VAC14: variants seen among roughly 807,000 people sequenced by gnomAD.
The protein encoded by VAC14 is protein VAC14 homolog.
In VAC14, 47 loss-of-function variants were observed where a neutral mutation model predicts 85.3. That is an observed-to-expected ratio of 0.55 (90% CI 0.44 to 0.70). The LOEUF is 0.70. Ranked by LOEUF, VAC14 falls within the 30% of genes least tolerant of loss-of-function variation. The pLI, the probability that VAC14 is intolerant of heterozygous loss-of-function variation, is 0.00. For synonymous variants in VAC14, 447 were observed against 430.5 expected (o/e 1.04, Z -0.47); for missense variants, 861 against 1,004.3 (o/e 0.86, Z 1.93).
chr16:70,800,698 C>A, intron 1 of VAC14, 99 bp downstream of exon 1: 1 of 1,087,306 alleles, frequency 9.2e-7, no homozygotes, highest in Non-Finnish European at 1.3e-6. Context: ...GGCCTAAAAC[C>A]TGGGAAAGTA....
intron 14 of VAC14, chr16:70,715,280 T>A (rs2054139751): frequency 6.6e-6 from 1 of 152,358 alleles, no homozygotes; most frequent in Non-Finnish European, 1.5e-5. Context: ...TTTCAGAAGC[T>A]TTCCCAGACT....
intron 14 of VAC14, among the ~76,000 whole-genome samples, chr16:70,720,775 T>C (rs1187082254): frequency 6.6e-6 from 1 of 152,240 alleles, no homozygotes; most frequent in Non-Finnish European, 1.5e-5. Flanking sequence ...TGGCCCCATG[T>C]TGGGGCTATC....
At position 70,687,524 on chromosome 16, in the gene VAC14, TACACACAC is replaced by T. The variant is rs3833084; in HGVS notation, c.*396_*403del. On this transcript the variant is annotated 3_prime_UTR_variant, in exon 19 of 19. Transcript: ENST00000261776. Reference sequence around the variant, plus strand: ...GTGCTGGTGCCTACGTGCATACAAGTACACACACACACACACACACACAGGCATGTGTT... The same window carrying T: ...GTGCTGGTGCCTACGTGCATACAAGTACACACACACACACAGGCATGTGTT... The T allele has an allele frequency of 0.023, 3,524 of 154,264 alleles. 143 individuals are homozygous for T. The highest frequency in any genetic ancestry group is 0.08 in the African/African-American group (3,251 of 40,592). 9.6% of individuals were successfully genotyped at this position (154,264 alleles called of 1,614,324 possible).
intron 18 of VAC14, chr16:70,691,177 A>G (rs1313252432): frequency 4.2e-5 from 41 of 985,412 alleles, no homozygotes; most frequent in Non-Finnish European, 4.7e-5. Context: ...CCCTGGTTTG[A>G]GGAGTCTGAC....
intron 18 of VAC14, chr16:70,690,247 C>G: frequency 1.0e-6 from 1 of 985,402 alleles, no homozygotes; most frequent in Non-Finnish European, 1.2e-6. Flanking sequence ...GGGAGCAGGG[C>G]GGGCTGTGTC....
At chr16:70,688,377 T>C in intron 18 of VAC14, 1 of 1,086,762 alleles carries the variant, frequency 9.2e-7, no homozygotes. Flanking sequence ...TTGGGAAGCA[T>C]TTCCTGTTTA....
intron 13 of VAC14, among the ~76,000 whole-genome samples, chr16:70,739,740 G>A (rs930507956): frequency 2.0e-5 from 3 of 152,224 alleles, no homozygotes; most frequent in Admixed American, 6.5e-5. Flanking sequence ...CATGATGATT[G>A]TTGCCGTGAT....
chr16:70,722,375 G>T (rs929207889), intron 14 of VAC14, among the ~76,000 whole-genome samples: 1 of 152,234 alleles, frequency 6.6e-6, no homozygotes, highest in Admixed American at 6.5e-5. Context: ...TCAGAGACAG[G>T]AGCTCTCTCC....
At chr16:70,751,577 G>A (rs962269626) in intron 12 of VAC14, among the ~76,000 whole-genome samples, 1 of 152,210 alleles carries the variant, frequency 6.6e-6, no homozygotes, top group Non-Finnish European at 1.5e-5. Flanking sequence ...CCCTTCCTTC[G>A]TGAGGGGTGC....
rs1238359314 is a variant in VAC14, at chr16:70,687,466, G to C, written c.*462C>G. On this transcript the variant is annotated 3_prime_UTR_variant, in exon 19 of 19. Transcript: ENST00000261776. ...GAGGGTTTTCTGTTATTTCTTTATT[G>C]GGGTGGGGGTGGGGTGCATCATTCA... 2 of 152,918 alleles carry C rather than the reference G, an allele frequency of 1.3e-5. No homozygotes were observed. The highest frequency in any genetic ancestry group is 1.3e-4 in the Admixed American group (2 of 15,270). 9.5% of individuals were successfully genotyped at this position (152,918 alleles called of 1,614,324 possible).
Position 70,687,563 on chromosome 16 carries a change from A to C in VAC14, c.*365T>G. 5.5e-6 allele frequency: 1 copy of C among 181,348 alleles called. No homozygotes were observed. The highest frequency in any genetic ancestry group is 1.4e-4 in the East Asian group (1 of 7,256). 11.2% of individuals were successfully genotyped at this position (181,348 alleles called of 1,614,324 possible). On this transcript the variant is annotated 3_prime_UTR_variant, in exon 19 of 19. Transcript: ENST00000261776. ...CACACACACAGGCATGTGTTCACGT[A>C]TGTATACATATACACACAAGGCCAG...
chr16:70,789,232 A>G (rs1438188028), intron 1 of VAC14, among the ~76,000 whole-genome samples: 1 of 152,214 alleles, frequency 6.6e-6, no homozygotes, highest in Admixed American at 6.5e-5. Context: ...TCAGAGGGGG[A>G]AAAAGCCCCC....
At chr16:70,720,573 G>A (rs1179269329) in intron 14 of VAC14, among the ~76,000 whole-genome samples, 1 of 152,240 alleles carries the variant, frequency 6.6e-6, no homozygotes, top group Non-Finnish European at 1.5e-5. Context: ...GAAGGGCTGG[G>A]AGTTGTCAAG....
chr16:70,780,124 G>C (rs2033737287), intron 9 of VAC14, among the ~76,000 whole-genome samples: 1 of 150,726 alleles, frequency 6.6e-6, no homozygotes, highest in African/African-American at 2.4e-5. Context: ...CCAAAGTGCT[G>C]GGATTACCCA....
chr16:70,688,375 C>T (rs1203696829), intron 18 of VAC14: 17 of 1,093,616 alleles, frequency 1.6e-5, no homozygotes, highest in Non-Finnish European at 1.8e-5. Flanking sequence ...CATTGGGAAG[C>T]ATTTCCTGTT....
At chr16:70,789,747 T>G (rs2034249069) in intron 1 of VAC14, among the ~76,000 whole-genome samples, 1 of 152,210 alleles carries the variant, frequency 6.6e-6, no homozygotes, top group African/African-American at 2.4e-5. Context: ...TAGAACCTGG[T>G]CTCCTTGTTC....
At chr16:70,720,396 G>A (rs867450720) in intron 14 of VAC14, among the ~76,000 whole-genome samples, 1 of 152,182 alleles carries the variant, frequency 6.6e-6, no homozygotes, top group East Asian at 1.9e-4. Context: ...CTGCCACACC[G>A]CTTTGATCAG....
At chr16:70,691,922 C>T (rs2053604124) in intron 18 of VAC14, 4 of 985,280 alleles carry the variant, frequency 4.1e-6, no homozygotes, top group Non-Finnish European at 4.8e-6. Flanking sequence ...TGGAGCAAGG[C>T]GCCAGGCCTG....
Position 70,762,417 on chromosome 16 carries a change from G to A in VAC14, c.1371+123C>T. Reference sequence around the variant, plus strand: ...GCCACTGCACCTGGCCCCAAAGTGAGTATTAAACACAGCTTTACCTCTAGG... The same window carrying A: ...GCCACTGCACCTGGCCCCAAAGTGAATATTAAACACAGCTTTACCTCTAGG... On this transcript the variant is annotated intron_variant, in intron 12 of 18. Coordinates refer to ENST00000261776, the MANE Select transcript of VAC14 (RefSeq NM_018052.5). This position sits in a 1 kb window ranked among gnomAD's most constrained non-coding sequence, Gnocchi z 4.1. The A allele has an allele frequency of 2.9e-6, 3 of 1,036,986 alleles. No homozygotes were observed. Among genetic ancestry groups the A allele is most frequent in the Non-Finnish European group, 4.4e-6 (3 of 687,046 alleles). 64.2% of individuals were successfully genotyped at this position (1,036,986 alleles called of 1,614,324 possible).
Sources: allele counts gnomAD v4.1 joint callset (sites outside exome capture counted in the v4.1 genomes callset), GRCh38; gene constraint gnomAD v4.1.1; non-coding constraint Gnocchi (gnomAD v3.1); transcripts MANE v1.5; gene names NCBI Gene and HGNC (gene_info 2026-07-23, HGNC 2026-07-21).